The following RBM33 variants were observed in gnomAD, a reference collection of about 807,000 sequenced individuals.
RBM33 encodes the protein RNA-binding protein 33.
Under a neutral mutation model 132.6 loss-of-function variants are expected in RBM33, and 28 were observed. The observed-to-expected ratio is 0.21, with a 90% CI of 0.16 to 0.29. The LOEUF (loss-of-function observed/expected upper bound fraction) is 0.29, where lower values mean the gene tolerates loss of function less well. RBM33 is among the 10% of genes least tolerant of loss of function. RBM33 has a pLI of 1.00. For missense variants in RBM33, 1,291 were observed against 1,518.5 expected, an observed-to-expected ratio of 0.85 and a Z score of 2.49; for synonymous variants, 634 against 593.0, an observed-to-expected ratio of 1.07 and a Z score of -1.01.
At chr7:155,662,084 T>G (rs1798666915) in intron 1 of RBM33, among the ~76,000 whole-genome samples, 1 of 152,082 alleles carries the variant, frequency 6.6e-6, no homozygotes, top group Admixed American at 6.6e-5. Flanking sequence ...TGTTCACCCC[T>G]CCGCCGAAGC....
chr7:155,760,824 A>G (rs886501383), intron 14 of RBM33, among the ~76,000 whole-genome samples: 1 of 152,190 alleles, frequency 6.6e-6, no homozygotes, highest in Non-Finnish European at 1.5e-5. Context: ...CACCTTGGGT[A>G]GAAGACCTTG....
chr7:155,747,874 G>C (rs1801567330), intron 14 of RBM33, among the ~76,000 whole-genome samples: 1 of 152,300 alleles, frequency 6.6e-6, no homozygotes, highest in Non-Finnish European at 1.5e-5. Context: ...GTTTTTTTGT[G>C]GGTGAGGACT....
intron 9 of RBM33, among the ~76,000 whole-genome samples, chr7:155,720,318 G>A (rs1276121558): frequency 2.0e-5 from 3 of 152,124 alleles, no homozygotes; most frequent in African/African-American, 7.2e-5. Context: ...GGTATAGCGC[G>A]TGCAGTGCAC....
At chr7:155,768,017 C>A (rs1429894077) in intron 16 of RBM33, among the ~76,000 whole-genome samples, 1 of 152,170 alleles carries the variant, frequency 6.6e-6, no homozygotes, top group Non-Finnish European at 1.5e-5. Context: ...CAGATGGGTG[C>A]GCTTGGCGAG....
intron 14 of RBM33, among the ~76,000 whole-genome samples, chr7:155,757,811 C>CT (rs1425816690): frequency 1.4e-5 from 2 of 145,366 alleles, no homozygotes; most frequent in African/African-American, 5.2e-5. Context: ...CCTCAGGAAG[C>CT]TTCCAATCAT....
chr7:155,716,129 C>G (rs1009442187), intron 8 of RBM33, among the ~76,000 whole-genome samples: 18 of 152,120 alleles, frequency 1.2e-4, no homozygotes, highest in Non-Finnish European at 1.8e-4. Flanking sequence ...TAACATCACA[C>G]CTGTTAAATT....
chr7:155,736,951 A>T (rs1801143576), intron 9 of RBM33, among the ~76,000 whole-genome samples: 1 of 152,230 alleles, frequency 6.6e-6, no homozygotes, highest in African/African-American at 2.4e-5. Context: ...AATATTGCAG[A>T]ATCACCTGTT....
Position 155,774,685 on chromosome 7 carries a change from C to T in RBM33, c.3464+38C>T, listed in dbSNP as rs536115406. 5.1e-5 allele frequency: 77 copies of T among 1,524,088 alleles called. No homozygotes were observed. In the Middle Eastern group the frequency reaches 6.8e-4, roughly 13 times the overall value. 94.4% of individuals were successfully genotyped at this position (1,524,088 alleles called of 1,614,324 possible). ...TTCTGTGCTTGTGGTGATAAGGGGG[C>T]GGGAGCAAGGCCCTCCTTCCTGTGC... On this transcript the variant is annotated intron_variant, in intron 17 of 17. Coordinates refer to ENST00000401878, the MANE Select transcript of RBM33 (RefSeq NM_053043.3). This position sits in a 1 kb window ranked among gnomAD's most constrained non-coding sequence, Gnocchi z 4.2.
chr7:155,736,788 A>G (rs1245599945), intron 9 of RBM33, among the ~76,000 whole-genome samples: 1 of 152,256 alleles, frequency 6.6e-6, no homozygotes, highest in African/African-American at 2.4e-5. Flanking sequence ...CTTTAAAAAG[A>G]TAAATGTCAT....
chr7:155,673,747 T>C (rs1799056302), intron 3 of RBM33, among the ~76,000 whole-genome samples: 1 of 98,500 alleles, frequency 1.0e-5, no homozygotes, highest in African/African-American at 3.7e-5. Flanking sequence ...CATACACACG[T>C]GTATATACGC....
At chr7:155,760,001 A>G (rs1801983286) in intron 14 of RBM33, among the ~76,000 whole-genome samples, 1 of 152,210 alleles carries the variant, frequency 6.6e-6, no homozygotes, top group Non-Finnish European at 1.5e-5. Context: ...TTAGTGGTGT[A>G]GTAAATAGGT....
At chr7:155,688,645 C>T (rs557312710) in intron 5 of RBM33, among the ~76,000 whole-genome samples, 15 of 152,186 alleles carry the variant, frequency 9.9e-5, no homozygotes, top group Admixed American at 2.0e-4. Flanking sequence ...TTTTGAGATA[C>T]GTCCCATCAA....
At chr7:155,717,986 G>A (rs1800515665) in intron 8 of RBM33, among the ~76,000 whole-genome samples, 1 of 152,094 alleles carries the variant, frequency 6.6e-6, no homozygotes, top group Non-Finnish European at 1.5e-5. Flanking sequence ...TGATTCATGA[G>A]GATTGAGATT....
In RBM33 at chr7:155,763,968, C is replaced by T. The variant is rs1280543761; in HGVS notation, c.3136C>T (p.Pro1046Ser). The T allele has an allele frequency of 1.3e-6, 2 of 1,595,388 alleles. No individual in the cohort carries two copies. The highest frequency in any genetic ancestry group is 1.1e-5 in the South Asian group (1 of 87,966). The change falls in exon 15 of 18, where the codon CCT (proline) becomes TCT (serine). Residue 1046 changes from proline (P) to serine (S), a missense_variant. By Grantham distance (74) the Pro-to-Ser change is moderately conservative. This residue lies in a region of RBM33 where 841 missense variants were observed against 912.0 expected (regional missense o/e 0.92). Transcript: ENST00000401878. ...GCCAGCGGGGCCCCACGCACACTCG[C>T]CTGTCCCTCCAGGGATCAAAAGCAT... is the stretch of plus-strand genomic sequence containing the variant. ...HLPAGPHAHSPVPPGIKSIQG... is the reference protein window; with the variant it reads ...HLPAGPHAHSSVPPGIKSIQG...
chr7:155,737,545 C>G lies in RBM33; in HGVS notation c.1276C>G (p.Pro426Ala), dbSNP rs2117023764. ...TGTTCTTTAGGGCCCTCCAGAATTTCCACAGCATACACCTGGACCTGTTCC... is the reference window on the plus strand; with the variant it reads ...TGTTCTTTAGGGCCCTCCAGAATTTGCACAGCATACACCTGGACCTGTTCC... ...PQRFPGPPEF[P>A]QHTPGPVPNS... Residue 426 changes from proline to alanine, a missense_variant, in exon 10 of 18, where the codon CCA (proline) becomes GCA (alanine). Around this residue, in one of 7 missense-constraint regions of RBM33, gnomAD observed 841 missense variants for 912.0 expected, o/e 0.92. Coordinates refer to ENST00000401878, the MANE Select transcript of RBM33 (RefSeq NM_053043.3). 1.2e-6 allele frequency: 2 copies of G among 1,608,282 alleles called. No individual in the cohort carries two copies. The highest frequency in any genetic ancestry group is 1.7e-6 in the Non-Finnish European group (2 of 1,178,066).
intron 4 of RBM33, among the ~76,000 whole-genome samples, chr7:155,679,520 A>C (rs2116921858): frequency 6.6e-6 from 1 of 152,304 alleles, no homozygotes; most frequent in South Asian, 2.1e-4. Context: ...GGTAGGTGGA[A>C]TAATAGTTTT....
Position 155,686,491 on chromosome 7 carries a change from A to T in RBM33, c.567+5583A>T, listed in dbSNP as rs533636979. On this transcript the variant is annotated intron_variant, in intron 5 of 17. Transcript: ENST00000401878. Reference sequence around the variant, plus strand: ...TGGTATTTTTTTTCTTTTTTTTTTTAAATTATATTTTAAGTTCTAGGGTAC... The same window carrying T: ...TGGTATTTTTTTTCTTTTTTTTTTTTAATTATATTTTAAGTTCTAGGGTAC... Among the ~76,000 whole-genome samples the T allele has an allele frequency of 1.6e-3, 245 of 148,770 alleles. 4 individuals are homozygous for T. The highest frequency in any genetic ancestry group is 5.2e-3 in the African/African-American group (210 of 40,426).
At chr7:155,755,750 G>C (rs896475566) in intron 14 of RBM33, among the ~76,000 whole-genome samples, 10 of 152,116 alleles carry the variant, frequency 6.6e-5, no homozygotes, top group African/African-American at 2.4e-4. Context: ...ATATCAGTAG[G>C]TGTTTTTATC....
Position 155,766,785 on chromosome 7 carries a change from A to G in RBM33, c.3375+130A>G, listed in dbSNP as rs190608785. ...AAAATAATACTTGGGAAGTAAGACA[A>G]ATAACCTGTTGTGCATACTTAGTAT... is the stretch of plus-strand genomic sequence containing the variant. On this transcript the variant is annotated intron_variant, in intron 16 of 17. Coordinates refer to ENST00000401878, the MANE Select transcript of RBM33 (RefSeq NM_053043.3). 1.3e-4 allele frequency: 119 copies of G among 889,464 alleles called. No homozygotes were observed. The Admixed American group carries it at 1.3e-3, about 10-fold the overall frequency. The allele number at this position is 889,464 out of a possible 1,614,324, so 55.1% of individuals were successfully genotyped here.
Sources: allele counts gnomAD v4.1 joint callset (sites outside exome capture counted in the v4.1 genomes callset), GRCh38; gene constraint gnomAD v4.1.1; regional missense constraint gnomAD v4.1.1; non-coding constraint Gnocchi (gnomAD v3.1); transcripts MANE v1.5; gene names NCBI Gene and HGNC (gene_info 2026-07-23, HGNC 2026-07-21).